The following INPP4B variants were observed in gnomAD, a reference collection of about 807,000 sequenced individuals.
INPP4B encodes the protein inositol polyphosphate 4-phosphatase type II.
In INPP4B, 55 loss-of-function variants were observed where a neutral mutation model predicts 122.5. The ratio of observed to expected loss-of-function variants is 0.45; its 90% CI spans 0.36 to 0.56. The LOEUF (loss-of-function observed/expected upper bound fraction) is 0.56, where lower values mean the gene tolerates loss of function less well. INPP4B is among the 20% of genes least tolerant of loss of function. INPP4B has a pLI of 0.00. For synonymous variants in INPP4B, 403 were observed against 388.7 expected, an observed-to-expected ratio of 1.04 and a Z score of -0.43; for missense variants, 1,000 against 1,097.7, an observed-to-expected ratio of 0.91 and a Z score of 1.26.
chr4:142,150,756 T>G (rs1455591862), intron 17 of INPP4B, among the ~76,000 whole-genome samples: 1 of 152,184 alleles, frequency 6.6e-6, no homozygotes, highest in East Asian at 1.9e-4. Context: ...AGATGAGCCA[T>G]GAAGGCAGGC....
At chr4:142,242,057 T>C (rs1455853685) in intron 11 of INPP4B, among the ~76,000 whole-genome samples, 1 of 152,226 alleles carries the variant, frequency 6.6e-6, no homozygotes, top group Non-Finnish European at 1.5e-5. Context: ...TAATTAATTA[T>C]TCAGCTAAAT....
At position 142,025,552 on chromosome 4, in the gene INPP4B, A is replaced by G. The variant is rs1265418907; in HGVS notation, c.*3230T>C. On this transcript the variant is annotated 3_prime_UTR_variant, in exon 26 of 26. Coordinates refer to ENST00000262992, the MANE Select transcript of INPP4B (RefSeq NM_001101669.3). ...GTGGTATTGTGTCTCTTGGTACACT[A>G]TCAACTTTTACATAGGGAGAGGTTT... is the stretch of plus-strand genomic sequence containing the variant. 1.3e-5 allele frequency: 2 copies of G among 152,186 alleles called. No individual in the cohort carries two copies. Among genetic ancestry groups the G allele is most frequent in the Admixed American group, 6.6e-5 (1 of 15,264 alleles). The allele number at this position is 152,186 out of a possible 1,614,324, so 9.4% of individuals were successfully genotyped here.
chr4:142,454,633 T>C (rs892809512), intron 3 of INPP4B, among the ~76,000 whole-genome samples: 2 of 152,022 alleles, frequency 1.3e-5, no homozygotes, highest in Non-Finnish European at 2.9e-5. Context: ...ATGAGAGAGG[T>C]ACAGCAAAGT....
chr4:142,619,375 G>T (rs967171185), intron 2 of INPP4B, among the ~76,000 whole-genome samples: 4 of 151,878 alleles, frequency 2.6e-5, no homozygotes, highest in African/African-American at 7.3e-5. Flanking sequence ...AGAAAATATG[G>T]TATATACATA....
At chr4:142,224,208 A>G (rs899630936) in intron 12 of INPP4B, among the ~76,000 whole-genome samples, 5 of 152,182 alleles carry the variant, frequency 3.3e-5, no homozygotes, top group Non-Finnish European at 5.9e-5. Context: ...ATATTTTGAC[A>G]AAATACATAA....
intron 15 of INPP4B, among the ~76,000 whole-genome samples, chr4:142,178,847 A>AG (rs1829516613): frequency 1.3e-5 from 2 of 151,760 alleles, no homozygotes; most frequent in Admixed American, 1.3e-4. Flanking sequence ...AAAAAAAAAA[A>AG]AAATGTGGTC....
intron 2 of INPP4B, among the ~76,000 whole-genome samples, chr4:142,653,827 C>G (rs1386175317): frequency 3.3e-5 from 5 of 152,154 alleles, no homozygotes; most frequent in African/African-American, 4.8e-5. Context: ...CCTCAAGGAT[C>G]TAGAACTAGA....
chr4:142,441,977 T>C (rs898769193), intron 3 of INPP4B, among the ~76,000 whole-genome samples: 2 of 151,208 alleles, frequency 1.3e-5, no homozygotes, highest in African/African-American at 4.9e-5. Flanking sequence ...GAAAGGAAGG[T>C]GAGTAGAAAA....
intron 2 of INPP4B, among the ~76,000 whole-genome samples, chr4:142,714,697 C>A (rs1261778947): frequency 6.6e-6 from 1 of 152,132 alleles, no homozygotes; most frequent in Admixed American, 6.6e-5. Context: ...AGAATAAAGG[C>A]CCTTTTTGCC....
At chr4:142,440,875 G>A (rs1411612429) in intron 3 of INPP4B, among the ~76,000 whole-genome samples, 2 of 152,180 alleles carry the variant, frequency 1.3e-5, no homozygotes, top group Non-Finnish European at 2.9e-5. Flanking sequence ...CCTGTGGCAA[G>A]AGCAGCTATA....
intron 2 of INPP4B, among the ~76,000 whole-genome samples, chr4:142,595,247 C>T (rs552760400): frequency 1.3e-5 from 2 of 151,958 alleles, no homozygotes; most frequent in Admixed American, 6.6e-5. Context: ...CCTATTTGTT[C>T]CTGAATCTTG....
At chr4:142,698,841 T>C (rs1221634357) in intron 2 of INPP4B, among the ~76,000 whole-genome samples, 1 of 152,190 alleles carries the variant, frequency 6.6e-6, no homozygotes, top group African/African-American at 2.4e-5. Flanking sequence ...GCTAAGAACT[T>C]ATCATTTGGA....
At chr4:142,600,952 G>A (rs898152383) in intron 2 of INPP4B, among the ~76,000 whole-genome samples, 1 of 151,868 alleles carries the variant, frequency 6.6e-6, no homozygotes, top group Non-Finnish European at 1.5e-5. Context: ...GCAAAAAAGG[G>A]CATTATATAA....
intron 25 of INPP4B, among the ~76,000 whole-genome samples, chr4:142,032,561 AT>A (rs1740966694): frequency 1.3e-5 from 2 of 152,322 alleles, no homozygotes; most frequent in African/African-American, 4.8e-5. Context: ...TTCTATTAAA[AT>A]TACTTTTTCA....
chr4:142,605,751 G>C (rs12501558), intron 2 of INPP4B, among the ~76,000 whole-genome samples: 3,544 of 151,848 alleles, frequency 0.023, 56 homozygotes, highest in Middle Eastern at 0.088. Flanking sequence ...ACTCCAGTTA[G>C]ACAAGACAGG....
intron 2 of INPP4B, among the ~76,000 whole-genome samples, chr4:142,629,451 A>C (rs1747407707): frequency 6.6e-6 from 1 of 151,924 alleles, no homozygotes; most frequent in South Asian, 2.1e-4. Context: ...TAGGAAGGAG[A>C]GATTGTTTAT....
intron 12 of INPP4B, among the ~76,000 whole-genome samples, chr4:142,234,460 C>G (rs1384279397): frequency 1.3e-5 from 2 of 152,148 alleles, no homozygotes; most frequent in Admixed American, 6.6e-5. Flanking sequence ...TTTACAATAA[C>G]TGTATCTTCT....
chr4:142,042,518 GTATGTATGTA>G (rs1324643212), intron 25 of INPP4B, among the ~76,000 whole-genome samples: 10 of 42,798 alleles, frequency 2.3e-4, no homozygotes, highest in African/African-American at 5.5e-4. Context: ...ATGTGTGTGT[GTATGTATGTA>G]TGTATGTATG....
At chr4:142,652,084 G>A (rs558758159) in intron 2 of INPP4B, among the ~76,000 whole-genome samples, 41 of 152,192 alleles carry the variant, frequency 2.7e-4, no homozygotes, top group African/African-American at 8.7e-4. Context: ...ATCAATAAAC[G>A]TAATCCATCA....
Sources: allele counts gnomAD v4.1 joint callset (sites outside exome capture counted in the v4.1 genomes callset), GRCh38; gene constraint gnomAD v4.1.1; transcripts MANE v1.5; gene names NCBI Gene and HGNC (gene_info 2026-07-23, HGNC 2026-07-21).